Variants in SHE observed in about 807,000 individuals in gnomAD.
The protein encoded by SHE is Src homology 2 domain containing E, also known as SH2 domain-containing adapter protein E.
In SHE, 11 loss-of-function variants were observed where a neutral mutation model predicts 49.8. The ratio of observed to expected loss-of-function variants is 0.22; its 90% CI spans 0.14 to 0.37. The LOEUF is 0.37. Ranked by LOEUF, SHE falls within the 10% of genes least tolerant of loss-of-function variation. SHE has a pLI of 1.00. For synonymous variants in SHE, 310 were observed against 278.1 expected (o/e 1.11, Z -1.14); for missense variants, 624 against 655.5 (o/e 0.95, Z 0.52).
rs371309038 is a variant in SHE at position 154,484,125 on chromosome 1, C to T, written c.*24G>A. On this transcript the variant is annotated 3_prime_UTR_variant, in exon 6 of 6. Coordinates refer to ENST00000304760, the MANE Select transcript of SHE (RefSeq NM_001010846.3). ...ATGATGCCCTTGAAGGTGCCAGAGGCCCAGGGCTTGCAGTGGCTGAATCTT... is the reference window on the plus strand; with the variant it reads ...ATGATGCCCTTGAAGGTGCCAGAGGTCCAGGGCTTGCAGTGGCTGAATCTT... The T allele has an allele frequency of 1.2e-6, 2 of 1,603,788 alleles. No individual in the cohort carries two copies. The highest frequency in any genetic ancestry group is 1.7e-6 in the Non-Finnish European group (2 of 1,172,606).
chr1:154,476,511 TG>T, downstream of SHE, among the ~76,000 whole-genome samples: 1 of 152,048 alleles, frequency 6.6e-6, no homozygotes, highest in South Asian at 2.1e-4. Flanking sequence ...GGTGTGGTGG[TG>T]GGCACCTATA....
At chr1:154,471,517 T>C (rs1021015268) in intron 1 of SHE, among the ~76,000 whole-genome samples, 3 of 151,832 alleles carry the variant, frequency 2.0e-5, no homozygotes, top group Admixed American at 2.0e-4. Context: ...AAGGTTATAG[T>C]GAGCCATAAT....
rs1691991045 is a variant in SHE, at chr1:154,480,540, C to A, written c.*3609G>T. 8.1e-6 allele frequency: 8 copies of A among 985,516 alleles called. No homozygotes were observed. The highest frequency in any genetic ancestry group is 9.6e-6 in the Non-Finnish European group (8 of 829,934). The allele number at this position is 985,516 out of a possible 1,614,324, so 61.0% of individuals were successfully genotyped here. On this transcript the variant is annotated 3_prime_UTR_variant, in exon 6 of 6. Transcript: ENST00000304760. The stretch of plus-strand genomic sequence containing the variant: ...CACCTGCCTCAAAAACTCCTGGCTG[C>A]CCCTATCAGCTACCTGCCCACCTCC...
intron 3 of SHE, among the ~76,000 whole-genome samples, chr1:154,488,311 T>A (rs984230963): frequency 9.2e-5 from 14 of 152,118 alleles, no homozygotes; most frequent in Non-Finnish European, 1.8e-4. Context: ...CAGGCTGGAG[T>A]GCAGTGGCAT....
In SHE at chr1:154,480,120, G is replaced by A. The variant is rs1221498223; in HGVS notation, c.*4029C>T. The stretch of plus-strand genomic sequence containing the variant: ...AGTTTCTCTAGTCCACGTTAGTGGG[G>A]CACAAAAATTGGAAATGAGAATACA... On this transcript the variant is annotated 3_prime_UTR_variant, in exon 6 of 6. Coordinates refer to ENST00000304760, the MANE Select transcript of SHE (RefSeq NM_001010846.3). 2 of 985,442 alleles carry A rather than the reference G, an allele frequency of 2.0e-6. No homozygotes were observed. The highest frequency in any genetic ancestry group is 2.4e-6 in the Non-Finnish European group (2 of 829,936). 61.0% of individuals were successfully genotyped at this position (985,442 alleles called of 1,614,324 possible). A position where few individuals can be genotyped will look rare whatever the true frequency, so the allele number is the denominator to read the frequency against.
Position 154,480,553 on chromosome 1 carries a change from C to G in SHE, c.*3596G>C. The G allele has an allele frequency of 1.0e-6, 1 of 985,522 alleles. No individual in the cohort carries two copies. The allele number at this position is 985,522 out of a possible 1,614,324, so 61.0% of individuals were successfully genotyped here. A position where few individuals can be genotyped will look rare whatever the true frequency, so the allele number is the denominator to read the frequency against. ...AACTCCTGGCTGCCCCTATCAGCTA[C>G]CTGCCCACCTCCCCATCCTGCGGCA... On this transcript the variant is annotated 3_prime_UTR_variant, in exon 6 of 6. Transcript: ENST00000304760.
chr1:154,482,908 A>T lies in SHE; in HGVS notation c.*1241T>A, dbSNP rs1008412374. ...AATCAGATCTTAGGGTTGCATTTTTAAAAAATTTACTACAAAGCAAATCTA... is the reference window on the plus strand; with the variant it reads ...AATCAGATCTTAGGGTTGCATTTTTTAAAAATTTACTACAAAGCAAATCTA... On this transcript the variant is annotated 3_prime_UTR_variant, in exon 6 of 6. Coordinates refer to ENST00000304760, the MANE Select transcript of SHE (RefSeq NM_001010846.3). 8.1e-6 allele frequency: 8 copies of T among 985,190 alleles called. No individual in the cohort carries two copies. The highest frequency in any genetic ancestry group is 9.6e-6 in the Non-Finnish European group (8 of 829,720). 61.0% of individuals were successfully genotyped at this position (985,190 alleles called of 1,614,324 possible).
intron 1 of SHE, among the ~76,000 whole-genome samples, chr1:154,499,681 T>G (rs557003958): frequency 6.6e-6 from 1 of 152,254 alleles, no homozygotes; most frequent in East Asian, 1.9e-4. Context: ...CCACCAGCAC[T>G]GGCTAGGCAC....
In SHE at chr1:154,480,630, A is replaced by C; in HGVS notation, c.*3519T>G. 1 of 985,498 alleles carries C rather than the reference A, an allele frequency of 1.0e-6. No homozygotes were observed. Among genetic ancestry groups the C allele is most frequent in the Middle Eastern group, 5.2e-4 (1 of 1,914 alleles). The allele number at this position is 985,498 out of a possible 1,614,324, so 61.0% of individuals were successfully genotyped here. A position where few individuals can be genotyped will look rare whatever the true frequency, so the allele number is the denominator to read the frequency against. On this transcript the variant is annotated 3_prime_UTR_variant, in exon 6 of 6. Coordinates refer to ENST00000304760, the MANE Select transcript of SHE (RefSeq NM_001010846.3). Reference sequence around the variant, plus strand: ...GCAAAGTACGGAGACTTCCAACAGCAAAGAATAAAGGCTTTCTAAAATGCT... The same window carrying C: ...GCAAAGTACGGAGACTTCCAACAGCCAAGAATAAAGGCTTTCTAAAATGCT...
intron 1 of SHE, among the ~76,000 whole-genome samples, chr1:154,499,933 G>A (rs1192928068): frequency 6.6e-6 from 1 of 152,210 alleles, no homozygotes; most frequent in East Asian, 1.9e-4. Context: ...AAAAATAGAA[G>A]GCACCTGAGG....
chr1:154,483,840 A>G lies in SHE; in HGVS notation c.*309T>C. On this transcript the variant is annotated 3_prime_UTR_variant, in exon 6 of 6. Transcript: ENST00000304760. ...AACCCCATCTCTACTAAAAATACAA[A>G]AAAAAAAATTAGCTGGGAGTGGTGG... 1.1e-6 allele frequency: 1 copy of G among 878,124 alleles called. No individual in the cohort carries two copies. Among genetic ancestry groups the G allele is most frequent in the Non-Finnish European group, 1.4e-6 (1 of 701,398 alleles). 54.4% of individuals were successfully genotyped at this position (878,124 alleles called of 1,614,324 possible).
downstream of SHE, among the ~76,000 whole-genome samples, chr1:154,476,415 C>T (rs1378739902): frequency 6.6e-6 from 1 of 152,068 alleles, no homozygotes; most frequent in Non-Finnish European, 1.5e-5. Context: ...GAGGTCGAGG[C>T]AGGCAGATCA....
Position 154,489,062 on chromosome 1 carries a change from C to T in SHE, c.1013G>A (p.Arg338Gln), listed in dbSNP as rs1440844893. 4.6e-5 allele frequency: 72 copies of T among 1,579,832 alleles called. No homozygotes were observed. The highest frequency in any genetic ancestry group is 1.9e-4 in the Middle Eastern group (1 of 5,168). The change falls in exon 3 of 6, where the codon CGG (arginine) becomes CAG (glutamine). Residue 338 changes from arginine (R) to glutamine (Q), a missense_variant. Around this residue, in one of 4 missense-constraint regions of SHE, gnomAD observed 155 missense variants for 142.0 expected, o/e 1.09. Coordinates refer to ENST00000304760, the MANE Select transcript of SHE (RefSeq NM_001010846.3). ...PWEWKKEQIV[R>Q]ALSVQFEGAE... ...CCTGGCGCCCTCACCTGACAGAGCC[C>T]GCACGATCTGCTCCTTCTTCCACTC...
At chr1:154,484,989 A>G (rs998006795) in intron 5 of SHE, 1 of 151,750 alleles carries the variant, frequency 6.6e-6, no homozygotes, top group Non-Finnish European at 1.5e-5. Flanking sequence ...AGAAAAAGAA[A>G]AGAAACCCCA....
chr1:154,470,246 T>G lies in SHE; in HGVS notation c.*95A>C, dbSNP rs1691709825. ...GTGGGCCATGGAGGGGGCACGGGAG[T>G]GGGCACTGGAGCCAGGACGTGGAGG... On this transcript the variant is annotated 3_prime_UTR_variant, in exon 2 of 2. Coordinates refer to the SHE transcript ENST00000486773. The G allele has an allele frequency of 5.8e-6, 7 of 1,211,856 alleles. No homozygotes were observed. In the Admixed American group the frequency reaches 1.6e-4, roughly 28 times the overall value. 75.1% of individuals were successfully genotyped at this position (1,211,856 alleles called of 1,614,324 possible). A position where few individuals can be genotyped will look rare whatever the true frequency, so the allele number is the denominator to read the frequency against.
exon 2 of SHE, chr1:154,470,277 G>GC: frequency 7.8e-7 from 1 of 1,275,964 alleles, no homozygotes; most frequent in Admixed American, 2.3e-5. Flanking sequence ...GGAGGGAGCT[G>GC]CCTCCCTTTC....
In SHE at chr1:154,479,761, G is replaced by T; in HGVS notation, c.*4388C>A. On this transcript the variant is annotated 3_prime_UTR_variant, in exon 6 of 6. Coordinates refer to ENST00000304760, the MANE Select transcript of SHE (RefSeq NM_001010846.3). ...ATGAGACGCCTGTTTCAATGATTCT[G>T]TTGCCAGCATATTAATTAAAATACA... 6.1e-6 allele frequency: 6 copies of T among 985,350 alleles called. No homozygotes were observed. Among genetic ancestry groups the T allele is most frequent in the Non-Finnish European group, 6.0e-6 (5 of 829,916 alleles). 61.0% of individuals were successfully genotyped at this position (985,350 alleles called of 1,614,324 possible).
At position 154,480,947 on chromosome 1, in the gene SHE, C is replaced by T. The variant is rs1472917223; in HGVS notation, c.*3202G>A. ...AAAGAAGGTGTGATCAAGAAGAACA[C>T]TGACACAGCTCTATGGATGCTAAAT... On this transcript the variant is annotated 3_prime_UTR_variant, in exon 6 of 6. Transcript: ENST00000304760. 3.0e-6 allele frequency: 3 copies of T among 985,364 alleles called. No individual in the cohort carries two copies. The highest frequency in any genetic ancestry group is 1.2e-6 in the Non-Finnish European group (1 of 829,926). The allele number at this position is 985,364 out of a possible 1,614,324, so 61.0% of individuals were successfully genotyped here. A position where few individuals can be genotyped will look rare whatever the true frequency, so the allele number is the denominator to read the frequency against.
downstream of SHE, among the ~76,000 whole-genome samples, chr1:154,474,976 AG>A (rs1691842074): frequency 6.6e-6 from 1 of 152,210 alleles, no homozygotes; most frequent in Non-Finnish European, 1.5e-5. Flanking sequence ...GTCCTCCTCC[AG>A]GAGTTGGCAG....
Sources: gnomAD v4.1 joint callset for allele counts (sites outside exome capture counted in the v4.1 genomes callset) on GRCh38, gnomAD v4.1.1 for gene constraint, gnomAD v4.1.1 regional missense constraint, MANE v1.5 for transcripts, NCBI Gene and HGNC (gene_info 2026-07-23, HGNC 2026-07-21) for gene names.